The following PTPRM variants were observed in gnomAD, a reference collection of about 807,000 sequenced individuals.
The protein encoded by PTPRM is protein tyrosine phosphatase receptor type M, also known as receptor-type tyrosine-protein phosphatase mu.
In PTPRM, 47 loss-of-function variants were observed where a neutral mutation model predicts 186.7. The ratio of observed to expected loss-of-function variants is 0.25; its 90% CI spans 0.20 to 0.32. The LOEUF is 0.32. Ranked by LOEUF, PTPRM falls within the 10% of genes least tolerant of loss-of-function variation. The pLI, the probability that PTPRM is intolerant of heterozygous loss-of-function variation, is 1.00. For missense variants in PTPRM, 1,494 were observed against 1,865.0 expected (o/e 0.80, Z 3.66); for synonymous variants, 668 against 674.9 (o/e 0.99, Z 0.16).
intron 14 of PTPRM, among the ~76,000 whole-genome samples, chr18:8,196,755 C>T (rs896524657): frequency 4.6e-5 from 7 of 152,198 alleles, no homozygotes; most frequent in Non-Finnish European, 8.8e-5. Flanking sequence ...CCATATGTCA[C>T]GATATGTTCC....
intron 2 of PTPRM, among the ~76,000 whole-genome samples, chr18:7,846,685 C>T (rs2046613943): frequency 6.6e-6 from 1 of 152,188 alleles, no homozygotes; most frequent in East Asian, 1.9e-4. Context: ...TAGGGAAGCG[C>T]ACAGCCCTGG....
intron 7 of PTPRM, among the ~76,000 whole-genome samples, chr18:7,999,181 A>G (rs1025949026): frequency 1.3e-5 from 2 of 152,118 alleles, no homozygotes; most frequent in Admixed American, 6.6e-5. Context: ...GGAACACTTG[A>G]GAGAATCCCA....
intron 4 of PTPRM, among the ~76,000 whole-genome samples, chr18:7,919,048 C>T (rs1041325105): frequency 1.1e-4 from 16 of 152,134 alleles, no homozygotes; most frequent in Admixed American, 6.5e-4. Context: ...ATTGAAGAGA[C>T]TGTCCTTTCT....
intron 1 of PTPRM, among the ~76,000 whole-genome samples, chr18:7,651,887 C>A (rs1231521779): frequency 1.2e-4 from 18 of 151,026 alleles, no homozygotes; most frequent in African/African-American, 3.6e-4. Flanking sequence ...GCAACAAAAG[C>A]CAAAATTGAC....
intron 7 of PTPRM, among the ~76,000 whole-genome samples, chr18:8,034,790 G>A (rs1255391782): frequency 1.3e-5 from 2 of 152,194 alleles, no homozygotes; most frequent in Non-Finnish European, 2.9e-5. Context: ...GTAGAATTCC[G>A]GAAGTCTAAC....
intron 7 of PTPRM, among the ~76,000 whole-genome samples, chr18:8,041,926 C>T (rs942216608): frequency 6.6e-6 from 1 of 152,178 alleles, no homozygotes; most frequent in African/African-American, 2.4e-5. Context: ...AACTAATGTG[C>T]AGTTGTAAAA....
intron 4 of PTPRM, among the ~76,000 whole-genome samples, chr18:7,908,201 G>A (rs962298135): frequency 6.6e-6 from 1 of 152,106 alleles, no homozygotes; most frequent in Non-Finnish European, 1.5e-5. Context: ...GCAGTGCATG[G>A]TAGCTTTATT....
intron 2 of PTPRM, among the ~76,000 whole-genome samples, chr18:7,791,815 T>G (rs1821733141): frequency 6.6e-6 from 1 of 152,192 alleles, no homozygotes; most frequent in African/African-American, 2.4e-5. Flanking sequence ...AAAAATCCAA[T>G]TAATTGACTA....
At chr18:7,816,575 A>T (rs1349342530) in intron 2 of PTPRM, among the ~76,000 whole-genome samples, 1 of 152,138 alleles carries the variant, frequency 6.6e-6, no homozygotes. Flanking sequence ...TTTAATATTA[A>T]ATCATGAACA....
chr18:8,072,149 C>G (rs890596705), intron 8 of PTPRM, among the ~76,000 whole-genome samples: 3 of 152,054 alleles, frequency 2.0e-5, no homozygotes, highest in African/African-American at 7.2e-5. Context: ...GTAATAAACA[C>G]CCCAAAATAC....
chr18:8,045,360 A>G (rs1338839659), intron 7 of PTPRM, among the ~76,000 whole-genome samples: 1 of 152,172 alleles, frequency 6.6e-6, no homozygotes, highest in Admixed American at 6.6e-5. Context: ...CAAAACTTAA[A>G]CACGAATGTT....
intron 2 of PTPRM, among the ~76,000 whole-genome samples, chr18:7,878,983 A>G (rs1194313333): frequency 6.6e-6 from 1 of 152,232 alleles, no homozygotes; most frequent in Non-Finnish European, 1.5e-5. Context: ...CCTGAGATAC[A>G]GTCATTAGCG....
chr18:8,309,364 G>C (rs2095250694), intron 20 of PTPRM, among the ~76,000 whole-genome samples: 1 of 152,068 alleles, frequency 6.6e-6, no homozygotes, highest in Non-Finnish European at 1.5e-5. Flanking sequence ...GTATGTGATG[G>C]TATCTCATTG....
chr18:7,734,503 T>A (rs561859417), intron 1 of PTPRM, among the ~76,000 whole-genome samples: 1 of 152,338 alleles, frequency 6.6e-6, no homozygotes, highest in African/African-American at 2.4e-5. Flanking sequence ...GAAGAATTGC[T>A]ATCATGTAAT....
intron 1 of PTPRM, among the ~76,000 whole-genome samples, chr18:7,685,505 A>G (rs2039581660): frequency 6.6e-6 from 1 of 152,204 alleles, no homozygotes; most frequent in South Asian, 2.1e-4. Flanking sequence ...AAGACATAAT[A>G]TGGATTAGTT....
intron 14 of PTPRM, among the ~76,000 whole-genome samples, chr18:8,178,280 A>G (rs1298468824): frequency 6.6e-6 from 1 of 152,216 alleles, no homozygotes; most frequent in Non-Finnish European, 1.5e-5. Flanking sequence ...CAAAAACTCA[A>G]AAAGAACTGA....
At chr18:8,261,217 C>T (rs2094627788) in intron 19 of PTPRM, among the ~76,000 whole-genome samples, 1 of 152,070 alleles carries the variant, frequency 6.6e-6, no homozygotes, top group African/African-American at 2.4e-5. Context: ...ACAAACAAAA[C>T]AAAACCAAAC....
At chr18:7,774,772 A>G (rs1406894006) in intron 2 of PTPRM, among the ~76,000 whole-genome samples, 1 of 152,218 alleles carries the variant, frequency 6.6e-6, no homozygotes, top group East Asian at 1.9e-4. Flanking sequence ...TCCACTGAAG[A>G]AATGTTTAGT....
At chr18:7,999,611 G>A (rs1364500514) in intron 7 of PTPRM, among the ~76,000 whole-genome samples, 3 of 151,704 alleles carry the variant, frequency 2.0e-5, no homozygotes, top group Admixed American at 6.6e-5. Context: ...ATAGTGGTAA[G>A]GTATTAGGTT....
Sources: gnomAD v4.1 joint callset for allele counts (sites outside exome capture counted in the v4.1 genomes callset) on GRCh38, gnomAD v4.1.1 for gene constraint, MANE v1.5 for transcripts, NCBI Gene and HGNC (gene_info 2026-07-23, HGNC 2026-07-21) for gene names.